ERC2: variants seen among roughly 807,000 people sequenced by gnomAD.
The protein encoded by ERC2 is ERC protein 2.
In ERC2, 42 loss-of-function variants were observed where a neutral mutation model predicts 114.8. That is an observed-to-expected ratio of 0.37 (90% CI 0.29 to 0.47). The LOEUF (loss-of-function observed/expected upper bound fraction) is 0.47, where lower values mean the gene tolerates loss of function less well. Ranked by LOEUF, ERC2 falls within the 20% of genes least tolerant of loss-of-function variation. The probability of loss-of-function intolerance (pLI) is 0.99; values close to 1 mark genes in which losing one functional copy is unlikely to be tolerated. For synonymous variants in ERC2, 454 were observed against 425.5 expected, an observed-to-expected ratio of 1.07 and a Z score of -0.82; for missense variants, 939 against 1,150.7, an observed-to-expected ratio of 0.82 and a Z score of 2.66.
rs115017854 is a variant in ERC2, at chr3:56,277,982, C to A, written c.1074+18037G>T. Among the ~76,000 whole-genome samples, 1,342 of 152,220 alleles carry A rather than the reference C, an allele frequency of 8.8e-3. 10 individuals carry two copies. The highest frequency in any genetic ancestry group is 0.014 in the Non-Finnish European group (945 of 68,006). ...CTGTGACTTCCTGTAAGGCCTTAGG[C>A]AGAGTAATCCCCTTCCTGTGACTCC... is the stretch of plus-strand genomic sequence containing the variant. On this transcript the variant is annotated intron_variant, in intron 3 of 17. Coordinates refer to ENST00000288221, the MANE Select transcript of ERC2 (RefSeq NM_015576.3).
intron 17 of ERC2, among the ~76,000 whole-genome samples, chr3:55,515,139 AAGT>A (rs2052397721): frequency 6.6e-6 from 1 of 152,220 alleles, no homozygotes; most frequent in African/African-American, 2.4e-5. Flanking sequence ...AAGATTTATT[AAGT>A]GACTGATGAC....
intron 14 of ERC2, among the ~76,000 whole-genome samples, chr3:55,883,354 G>T (rs2063199472): frequency 6.6e-6 from 1 of 152,160 alleles, no homozygotes. Flanking sequence ...GGTCAGTGTG[G>T]CACATGTCCC....
chr3:55,622,877 C>A (rs970522834), intron 17 of ERC2, among the ~76,000 whole-genome samples: 6 of 151,934 alleles, frequency 3.9e-5, no homozygotes, highest in Non-Finnish European at 7.4e-5. Flanking sequence ...AAGTTGGTTC[C>A]GACCGAGACT....
chr3:55,863,034 G>C (rs2062096387), intron 14 of ERC2, among the ~76,000 whole-genome samples: 1 of 152,018 alleles, frequency 6.6e-6, no homozygotes, highest in African/African-American at 2.4e-5. Flanking sequence ...TTTCCCATTA[G>C]AGCCTCCTTA....
intron 2 of ERC2, among the ~76,000 whole-genome samples, chr3:56,380,993 G>A (rs907366886): frequency 9.9e-5 from 15 of 152,278 alleles, no homozygotes; most frequent in African/African-American, 1.9e-4. Flanking sequence ...TTCCATTTGC[G>A]TCAATGTCTT....
chr3:55,803,968 A>C (rs1382343505), intron 14 of ERC2, among the ~76,000 whole-genome samples: 2 of 152,300 alleles, frequency 1.3e-5, no homozygotes, highest in East Asian at 3.9e-4. Flanking sequence ...CCCTTGGTAT[A>C]ATTTTCAACA....
At chr3:55,712,382 A>AG (rs1312663311) in intron 15 of ERC2, among the ~76,000 whole-genome samples, 1 of 152,152 alleles carries the variant, frequency 6.6e-6, no homozygotes, top group Non-Finnish European at 1.5e-5. Context: ...AGAAGAGAAA[A>AG]GGGGGGAAAG....
chr3:55,605,117 T>A (rs897713071), intron 17 of ERC2, among the ~76,000 whole-genome samples: 28 of 151,990 alleles, frequency 1.8e-4, no homozygotes, highest in African/African-American at 6.5e-4. Flanking sequence ...TTTTTTTTTT[T>A]AGTTGGTTAT....
chr3:55,796,465 G>A (rs895731117), intron 14 of ERC2, among the ~76,000 whole-genome samples: 8 of 152,088 alleles, frequency 5.3e-5, no homozygotes, highest in Non-Finnish European at 4.4e-5. Flanking sequence ...TCACTCTTTC[G>A]CCCAGGCTGG....
intron 2 of ERC2, among the ~76,000 whole-genome samples, chr3:56,412,282 C>A (rs2060971036): frequency 6.6e-6 from 1 of 152,246 alleles, no homozygotes; most frequent in African/African-American, 2.4e-5. Context: ...ACCATGCCAA[C>A]ACCTTGATTT....
chr3:56,415,101 A>G (rs944197409), intron 2 of ERC2, among the ~76,000 whole-genome samples: 4 of 152,324 alleles, frequency 2.6e-5, no homozygotes, highest in East Asian at 1.9e-4. Flanking sequence ...CTAATTCCCC[A>G]GGTCACACAG....
chr3:55,951,385 C>G (rs1559920678), intron 12 of ERC2, among the ~76,000 whole-genome samples: 3 of 152,116 alleles, frequency 2.0e-5, no homozygotes. Flanking sequence ...TTAAATAAAG[C>G]TCTGGGGCTT....
intron 13 of ERC2, among the ~76,000 whole-genome samples, chr3:55,928,608 A>G (rs1364532018): frequency 1.3e-5 from 2 of 151,962 alleles, no homozygotes; most frequent in Non-Finnish European, 2.9e-5. Context: ...AAGCTTTTTA[A>G]CTTGATGTAA....
intron 5 of ERC2, among the ~76,000 whole-genome samples, chr3:56,145,156 C>T (rs1255017409): frequency 6.6e-6 from 1 of 152,098 alleles, no homozygotes; most frequent in African/African-American, 2.4e-5. Context: ...GCAGATATGG[C>T]CCTTATGTCT....
intron 14 of ERC2, among the ~76,000 whole-genome samples, chr3:55,780,520 C>T (rs1172677771): frequency 6.6e-6 from 1 of 151,848 alleles, no homozygotes; most frequent in Non-Finnish European, 1.5e-5. Flanking sequence ...TTATAAATAT[C>T]AAAAAGGGAA....
intron 12 of ERC2, among the ~76,000 whole-genome samples, chr3:55,952,173 ACACACACTCTCTCTCTCT>A (rs1459615925): frequency 7.1e-5 from 4 of 56,058 alleles, no homozygotes; most frequent in African/African-American, 1.2e-4. Flanking sequence ...ACACACACAC[ACACACACTCTCTCTCTCT>A]CTCTCTCTAT....
chr3:56,279,281 T>G (rs1233640649), intron 3 of ERC2, among the ~76,000 whole-genome samples: 1 of 152,254 alleles, frequency 6.6e-6, no homozygotes, highest in Non-Finnish European at 1.5e-5. Context: ...TGGTTCTTCC[T>G]TTTGATATTT....
At chr3:55,828,923 G>C (rs1169580921) in intron 14 of ERC2, among the ~76,000 whole-genome samples, 1 of 152,138 alleles carries the variant, frequency 6.6e-6, no homozygotes, top group Non-Finnish European at 1.5e-5. Flanking sequence ...CAAATGACTT[G>C]AGCCAAGAAT....
intron 14 of ERC2, among the ~76,000 whole-genome samples, chr3:55,883,913 CAA>C (rs2063238083): frequency 6.6e-6 from 1 of 151,798 alleles, no homozygotes; most frequent in African/African-American, 2.4e-5. Context: ...ACAACAACAA[CAA>C]CAACAACAAC....
Sources: allele counts gnomAD v4.1 joint callset (sites outside exome capture counted in the v4.1 genomes callset), GRCh38; gene constraint gnomAD v4.1.1; transcripts MANE v1.5; gene names NCBI Gene and HGNC (gene_info 2026-07-23, HGNC 2026-07-21).